SERGEF: variants seen among roughly 807,000 people sequenced by gnomAD.
SERGEF encodes the protein secretion-regulating guanine nucleotide exchange factor.
Under a neutral mutation model 50.0 loss-of-function variants are expected in SERGEF, and 51 were observed. The observed-to-expected ratio is 1.02, with a 90% confidence interval of 0.81 to 1.29. The LOEUF (loss-of-function observed/expected upper bound fraction) is 1.29, where lower values mean the gene tolerates loss of function less well. Ranked by LOEUF, SERGEF falls within the 50% of genes most tolerant of loss-of-function variation. The probability of loss-of-function intolerance (pLI) is 0.00; values close to 1 mark genes in which losing one functional copy is unlikely to be tolerated. For missense variants in SERGEF, 521 were observed against 557.0 expected (o/e 0.94, Z 0.65); for synonymous variants, 205 against 212.4 (o/e 0.97, Z 0.30).
At chr11:18,011,044 G>A (rs1201612018) in intron 1 of SERGEF, among the ~76,000 whole-genome samples, 4 of 152,042 alleles carry the variant, frequency 2.6e-5, no homozygotes, top group Non-Finnish European at 5.9e-5. Context: ...GATAAAGCAA[G>A]ACGAAGGGAA....
At chr11:17,906,872 T>C (rs1275036943) in intron 9 of SERGEF, among the ~76,000 whole-genome samples, 1 of 151,614 alleles carries the variant, frequency 6.6e-6, no homozygotes, top group Non-Finnish European at 1.5e-5. Flanking sequence ...AAATCATGTC[T>C]TTCGATCTTA....
At chr11:17,845,974 T>C (rs1850601460) in intron 10 of SERGEF, among the ~76,000 whole-genome samples, 1 of 152,164 alleles carries the variant, frequency 6.6e-6, no homozygotes, top group Non-Finnish European at 1.5e-5. Context: ...AGTGAATGAA[T>C]GAACAAATAA....
chr11:17,890,780 A>G (rs1307936067), intron 9 of SERGEF, among the ~76,000 whole-genome samples: 1 of 152,196 alleles, frequency 6.6e-6, no homozygotes, highest in Non-Finnish European at 1.5e-5. Flanking sequence ...GAAATGGCTG[A>G]TTCTAGGACT....
At chr11:17,789,740 T>C (rs954978547) in intron 10 of SERGEF, among the ~76,000 whole-genome samples, 108 of 152,372 alleles carry the variant, frequency 7.1e-4, no homozygotes, top group Middle Eastern at 3.4e-3. Flanking sequence ...ATTTGTGAAA[T>C]TTATAAATAT....
At chr11:17,906,173 G>GCC (rs1851836638) in intron 9 of SERGEF, among the ~76,000 whole-genome samples, 1 of 152,102 alleles carries the variant, frequency 6.6e-6, no homozygotes, top group African/African-American at 2.4e-5. Flanking sequence ...TTGGAGCAGG[G>GCC]CACGGGGAGG....
intron 10 of SERGEF, among the ~76,000 whole-genome samples, chr11:17,803,417 G>A (rs540092956): frequency 8.5e-4 from 130 of 152,240 alleles, no homozygotes; most frequent in Non-Finnish European, 1.5e-3. Context: ...TCCTCACCCA[G>A]TGGGTCAGAG....
intron 10 of SERGEF, among the ~76,000 whole-genome samples, chr11:17,859,310 A>C (rs1850883544): frequency 6.6e-6 from 1 of 152,144 alleles, no homozygotes; most frequent in Non-Finnish European, 1.5e-5. Context: ...AAAAATAAGA[A>C]AGAACCTTAG....
At chr11:17,984,322 C>A (rs891158558) in intron 8 of SERGEF, among the ~76,000 whole-genome samples, 1 of 152,166 alleles carries the variant, frequency 6.6e-6, no homozygotes, top group Non-Finnish European at 1.5e-5. Flanking sequence ...AGCGTACAAT[C>A]ATGGTGGAAG....
intron 10 of SERGEF, among the ~76,000 whole-genome samples, chr11:17,843,712 C>T (rs1850549829): frequency 6.6e-6 from 1 of 152,166 alleles, no homozygotes. Context: ...CTGAGCACTA[C>T]CAGTGTGTCA....
At chr11:17,844,492 G>A (rs1850565001) in intron 10 of SERGEF, among the ~76,000 whole-genome samples, 1 of 152,272 alleles carries the variant, frequency 6.6e-6, no homozygotes. Context: ...TCAGTATAGG[G>A]CAGAAAATTA....
intron 6 of SERGEF, 107 bp from the exon 7 acceptor site, chr11:17,993,100 T>G (rs1474658876): frequency 5.9e-6 from 5 of 848,578 alleles, no homozygotes; most frequent in Admixed American, 2.1e-5. Flanking sequence ...ACTCAGCCAG[T>G]GCAGGCAGGC....
chr11:17,788,409 T>G lies in SERGEF; in HGVS notation c.1053A>C (p.Gly351=). The change falls in exon 11 of 11, where the codon GGA becomes GGC. Residue 351 remains glycine, a synonymous_variant. Coordinates refer to ENST00000265965, the MANE Select transcript of SERGEF (RefSeq NM_012139.4). ...CATTCCAGCCCCAAGAGTAACACAC[T>G]CCACCTGTGAAGGAGAGGGAAGACT... is the stretch of plus-strand genomic sequence containing the variant. ...GSEHNLAIIG[G]VCYSWGWNEH... 1.2e-6 allele frequency: 2 copies of G among 1,600,518 alleles called. No individual in the cohort carries two copies. The highest frequency in any genetic ancestry group is 1.7e-6 in the Non-Finnish European group (2 of 1,170,022).
At chr11:17,807,707 A>G (rs555993799) in intron 10 of SERGEF, among the ~76,000 whole-genome samples, 10 of 152,330 alleles carry the variant, frequency 6.6e-5, no homozygotes, top group East Asian at 1.9e-4. Context: ...TTTACAGGCA[A>G]TGAGTGTCAG....
chr11:17,941,155 G>A (rs1007483308), intron 9 of SERGEF, among the ~76,000 whole-genome samples: 2 of 152,144 alleles, frequency 1.3e-5, no homozygotes, highest in Non-Finnish European at 2.9e-5. Context: ...TTTAAAATAA[G>A]TTGTAGATAC....
At chr11:17,843,841 A>C (rs1234049576) in intron 10 of SERGEF, among the ~76,000 whole-genome samples, 2 of 152,174 alleles carry the variant, frequency 1.3e-5, no homozygotes, top group Non-Finnish European at 2.9e-5. Context: ...AACAATGGGA[A>C]ACTGAGCAAG....
intron 5 of SERGEF, among the ~76,000 whole-genome samples, chr11:17,997,362 T>C (rs1361956762): frequency 6.6e-6 from 1 of 152,218 alleles, no homozygotes; most frequent in Non-Finnish European, 1.5e-5. Context: ...GCTACTATTT[T>C]TAAAAACCAG....
intron 7 of SERGEF, among the ~76,000 whole-genome samples, chr11:17,990,516 C>T (rs1853690915): frequency 6.6e-6 from 1 of 152,224 alleles, no homozygotes; most frequent in Non-Finnish European, 1.5e-5. Flanking sequence ...TGCTGAGCTA[C>T]AAAGATGCCA....
chr11:17,841,674 C>A, intron 10 of SERGEF, among the ~76,000 whole-genome samples: 1 of 152,188 alleles, frequency 6.6e-6, no homozygotes, highest in South Asian at 2.1e-4. Flanking sequence ...ATACACATAA[C>A]CACCTCTGCT....
chr11:17,889,460 A>G (rs7107811), intron 9 of SERGEF, among the ~76,000 whole-genome samples: 10,687 of 152,278 alleles, frequency 0.07, 452 homozygotes, highest in African/African-American at 0.11. Context: ...AAAATCAGAT[A>G]AAACCAATTG....
Sources: gnomAD v4.1 joint callset for allele counts (sites outside exome capture counted in the v4.1 genomes callset) on GRCh38, gnomAD v4.1.1 for gene constraint, MANE v1.5 for transcripts, NCBI Gene and HGNC (gene_info 2026-07-23, HGNC 2026-07-21) for gene names.